Variants in WWOX observed in about 807,000 individuals in gnomAD.
WWOX encodes the protein WW domain-containing oxidoreductase.
WWOX carries 69 observed loss-of-function variants against 46.2 expected under a neutral mutation model. The ratio of observed to expected loss-of-function variants is 1.49; its 90% confidence interval spans 1.23 to 1.82. The LOEUF is 1.82. Ranked by LOEUF, WWOX falls within the 40% of genes most tolerant of loss-of-function variation. The probability of loss-of-function intolerance (pLI) is 0.00; values close to 1 mark genes in which losing one functional copy is unlikely to be tolerated. For synonymous variants in WWOX, 359 were observed against 202.6 expected (o/e 1.77, Z -6.56); for missense variants, 919 against 542.6 (o/e 1.69, Z -6.89).
At chr16:78,520,853 G>C (rs531213056) in intron 8 of WWOX, among the ~76,000 whole-genome samples, 31 of 152,218 alleles carry the variant, frequency 2.0e-4, no homozygotes, top group African/African-American at 7.2e-4. Context: ...GGGGAGCCTT[G>C]GTTGTATCTT....
rs539410751 is a variant in WWOX, at chr16:78,937,113, A to G, written c.1057-274495A>G. 2.9e-4 allele frequency among the ~76,000 whole-genome samples: 44 copies of G among 152,330 alleles called. 1 individual carries two copies. The highest frequency in any genetic ancestry group is 9.6e-4 in the African/African-American group (40 of 41,562). On this transcript the variant is annotated intron_variant, in intron 8 of 8. Transcript: ENST00000566780. ...GCTTCTCAGTAATTCCTTCTCAGCA[A>G]TCATTCCAATTCCTAGATTTAAAAA...
At chr16:78,397,689 T>C (rs1475158402) in intron 6 of WWOX, among the ~76,000 whole-genome samples, 1 of 152,202 alleles carries the variant, frequency 6.6e-6, no homozygotes, top group Admixed American at 6.5e-5. Flanking sequence ...GTGGGACAAT[T>C]AGAAAGGTCA....
rs1402272429 is a variant in WWOX at position 79,119,628 on chromosome 16, A to C, written c.1057-91980A>C. ...ATGGATTCAATAATGTGCCAGCGGC[A>C]CACACATAGCAAATGGTCCAGCCAC... On this transcript the variant is annotated intron_variant, in intron 8 of 8. Transcript: ENST00000566780. Among the ~76,000 whole-genome samples, 6 of 152,210 alleles carry C rather than the reference A, an allele frequency of 3.9e-5. No individual in the cohort carries two copies. In the East Asian group the frequency reaches 1.2e-3, roughly 29 times the overall value.
intron 8 of WWOX, among the ~76,000 whole-genome samples, chr16:78,870,164 G>A (rs2737283): frequency 0.31 from 46,788 of 152,076 alleles, 7,756 homozygotes; most frequent in East Asian, 0.48. Context: ...ATTGCTTTCC[G>A]TCTCCTAACC....
chr16:79,088,624 T>G (rs2048897225), intron 8 of WWOX, among the ~76,000 whole-genome samples: 1 of 152,180 alleles, frequency 6.6e-6, no homozygotes, highest in South Asian at 2.1e-4. Flanking sequence ...TGGAGACCAC[T>G]TTACTTTCCA....
In WWOX at chr16:78,888,527, G is replaced by C. The variant is rs140238914; in HGVS notation, c.1057-323081G>C. On this transcript the variant is annotated intron_variant, in intron 8 of 8. Transcript: ENST00000566780. ...GCAGAAAGCCTTTCTCAGGATCCCA[G>C]CTTCCCTGTCTTCCAGAACTCAAAG... is the stretch of plus-strand genomic sequence containing the variant. Among the ~76,000 whole-genome samples, 1,089 of 152,296 alleles carry C rather than the reference G, an allele frequency of 7.2e-3. 3 individuals carry two copies. Among genetic ancestry groups the C allele is most frequent in the Non-Finnish European group, 0.012 (834 of 68,024 alleles).
At chr16:78,690,670 G>GA (rs371897115) in intron 8 of WWOX, among the ~76,000 whole-genome samples, 28,335 of 152,162 alleles carry the variant, frequency 0.19, 3,039 homozygotes, top group South Asian at 0.32. Flanking sequence ...CTCCCAACCT[G>GA]GTTCTTTGTC....
At chr16:78,922,279 C>T (rs966907920) in intron 8 of WWOX, among the ~76,000 whole-genome samples, 1 of 151,976 alleles carries the variant, frequency 6.6e-6, no homozygotes, top group Non-Finnish European at 1.5e-5. Context: ...GTAGTTAGGC[C>T]CCATCCTAAA....
In WWOX at chr16:78,801,308, G is replaced by C. The variant is rs192368485; in HGVS notation, c.1056+368556G>C. ...GTAGATCCCCTGAGGTTGGGAGTTT[G>C]AGACCACCCTGGCCAACATGGTGAA... On this transcript the variant is annotated intron_variant, in intron 8 of 8. Transcript: ENST00000566780. Among the ~76,000 whole-genome samples, 817 of 152,240 alleles carry C rather than the reference G, an allele frequency of 5.4e-3. 3 individuals carry two copies. Among genetic ancestry groups the C allele is most frequent in the Non-Finnish European group, 8.5e-3 (576 of 68,008 alleles).
chr16:78,714,680 A>C (rs1230240326), intron 8 of WWOX, among the ~76,000 whole-genome samples: 1 of 152,214 alleles, frequency 6.6e-6, no homozygotes, highest in African/African-American at 2.4e-5. Context: ...GGTAGTAAGA[A>C]GCAGTGTAGC....
chr16:78,761,325 G>T (rs905190004), intron 8 of WWOX, among the ~76,000 whole-genome samples: 1 of 152,072 alleles, frequency 6.6e-6, no homozygotes, highest in Non-Finnish European at 1.5e-5. Flanking sequence ...GGATTTTCCT[G>T]GCCCATTTAC....
intron 8 of WWOX, among the ~76,000 whole-genome samples, chr16:78,483,595 AACCTTTGACC>A (rs751821465): frequency 4.6e-5 from 7 of 152,134 alleles, no homozygotes; most frequent in Non-Finnish European, 1.0e-4. Flanking sequence ...AATAGGGATT[AACCTTTGACC>A]CCCTTCACAT....
At chr16:79,165,294 G>A (rs566574142) in intron 8 of WWOX, among the ~76,000 whole-genome samples, 2 of 152,246 alleles carry the variant, frequency 1.3e-5, no homozygotes, top group Non-Finnish European at 2.9e-5. Context: ...TCATGTGTGT[G>A]TGCACACATG....
intron 8 of WWOX, among the ~76,000 whole-genome samples, chr16:78,776,299 G>A (rs1255106150): frequency 2.6e-5 from 4 of 152,100 alleles, no homozygotes; most frequent in Admixed American, 1.3e-4. Flanking sequence ...CTCTTACTGG[G>A]CAGTAAGCAC....
chr16:78,603,923 C>T (rs887691519), intron 8 of WWOX, among the ~76,000 whole-genome samples: 6 of 151,992 alleles, frequency 3.9e-5, no homozygotes, highest in African/African-American at 1.4e-4. Flanking sequence ...GGGAGGATTG[C>T]TTGAGCCTAG....
intron 6 of WWOX, among the ~76,000 whole-genome samples, chr16:78,391,309 C>A (rs934323845): frequency 6.6e-6 from 1 of 152,206 alleles, no homozygotes; most frequent in African/African-American, 2.4e-5. Context: ...TAAGCACTTA[C>A]ATACATGTAT....
At chr16:79,157,608 A>G (rs1468347863) in intron 8 of WWOX, among the ~76,000 whole-genome samples, 1 of 152,194 alleles carries the variant, frequency 6.6e-6, no homozygotes, top group Non-Finnish European at 1.5e-5. Context: ...GAGATGTTTT[A>G]AAATACAGGT....
chr16:79,184,894 C>T (rs879343671), intron 8 of WWOX, among the ~76,000 whole-genome samples: 5 of 152,172 alleles, frequency 3.3e-5, no homozygotes, highest in Admixed American at 6.5e-5. Flanking sequence ...CAATCAAGAA[C>T]GTGTTACTTT....
rs892272373 is a variant in WWOX, at chr16:78,406,069, A to C, written c.606-18801A>C. Among the ~76,000 whole-genome samples the C allele has an allele frequency of 1.6e-4, 24 of 152,052 alleles. No individual in the cohort carries two copies. The East Asian group carries it at 4.7e-3, about 30-fold the overall frequency. On this transcript the variant is annotated intron_variant, in intron 6 of 8. Transcript: ENST00000566780. The stretch of plus-strand genomic sequence containing the variant: ...TCTGAGGGTGTCTCACGTGAAAGTA[A>C]ATCGCTCATGTTTGTTCTTTTTAAA...
Sources: allele counts gnomAD v4.1 joint callset (sites outside exome capture counted in the v4.1 genomes callset), GRCh38; gene constraint gnomAD v4.1.1; transcripts MANE v1.5; gene names NCBI Gene and HGNC (gene_info 2026-07-23, HGNC 2026-07-21).